The following IL1RAPL1 variants were observed in gnomAD, a reference collection of about 807,000 sequenced individuals.
IL1RAPL1 encodes the protein interleukin-1 receptor accessory protein-like 1.
IL1RAPL1 carries 3 observed loss-of-function variants against 48.4 expected under a neutral mutation model. The observed-to-expected ratio is 0.06, with a 90% CI of 0.03 to 0.16. The LOEUF (loss-of-function observed/expected upper bound fraction) is 0.16, where lower values mean the gene tolerates loss of function less well. IL1RAPL1 is among the 10% of genes least tolerant of loss of function. IL1RAPL1 has a pLI of 1.00. For synonymous variants in IL1RAPL1, 185 were observed against 187.7 expected (o/e 0.99, Z 0.12); for missense variants, 349 against 530.6 (o/e 0.66, Z 3.36).
chrX:28,673,329 A>C (rs1238900670), intron 1 of IL1RAPL1, among the ~76,000 whole-genome samples: 1 of 112,111 alleles, frequency 8.9e-6, no homozygotes, highest in South Asian at 3.7e-4. Flanking sequence ...TCCTTACACC[A>C]TATACAAAAG....
intron 1 of IL1RAPL1, among the ~76,000 whole-genome samples, chrX:28,698,752 A>G (rs1467599346): frequency 8.9e-6 from 1 of 111,834 alleles, no homozygotes; most frequent in African/African-American, 3.2e-5. Context: ...AAAGCCATTG[A>G]AACAACATAC....
intron 6 of IL1RAPL1, among the ~76,000 whole-genome samples, chrX:29,829,766 T>C (rs1930830507): frequency 8.9e-6 from 1 of 112,234 alleles, no homozygotes; most frequent in Admixed American, 9.4e-5. Context: ...AATATTTTGA[T>C]CTAATCTAGA....
intron 3 of IL1RAPL1, among the ~76,000 whole-genome samples, chrX:29,322,185 CTTTCTCTTTTT>C (rs1932807808): frequency 9.2e-6 from 1 of 109,118 alleles, no homozygotes; most frequent in Non-Finnish European, 1.9e-5. Flanking sequence ...TTTCTCTTTT[CTTTCTCTTTTT>C]TTCTTTCTTT....
chrX:29,939,733 T>A (rs1272503157), intron 8 of IL1RAPL1, among the ~76,000 whole-genome samples: 1 of 112,351 alleles, frequency 8.9e-6, no homozygotes, highest in East Asian at 2.8e-4. Flanking sequence ...AAATAAGATT[T>A]TCTTCAATTT....
chrX:29,601,349 ACTGGATGC>A (rs754686446), intron 5 of IL1RAPL1, among the ~76,000 whole-genome samples: 1 of 112,171 alleles, frequency 8.9e-6, no homozygotes, highest in Non-Finnish European at 1.9e-5. Context: ...ATGAACATTA[ACTGGATGC>A]CTAGATCATT....
In IL1RAPL1 at chrX:29,078,164, C is replaced by T. The variant is rs1927722549; in HGVS notation, c.83-204774C>T. Among the ~76,000 whole-genome samples the T allele has an allele frequency of 3.6e-5, 4 of 111,428 alleles. No homozygotes were observed. The Admixed American group carries it at 3.8e-4, about 11-fold the overall frequency. On this transcript the variant is annotated intron_variant, in intron 2 of 10. Transcript: ENST00000378993. ...GCGCACGCCTGTAATCCCAGCTACT[C>T]GGGAAGCTGAGGCAAGAGAATCACT...
intron 6 of IL1RAPL1, among the ~76,000 whole-genome samples, chrX:29,880,602 T>TA (rs1224660238): frequency 8.9e-6 from 1 of 112,312 alleles, no homozygotes; most frequent in Admixed American, 9.5e-5. Flanking sequence ...TTAGCTGGAA[T>TA]AAAAAATTTC....
At chrX:29,632,747 C>T (rs958472943) in intron 5 of IL1RAPL1, among the ~76,000 whole-genome samples, 14 of 111,082 alleles carry the variant, frequency 1.3e-4, no homozygotes, top group African/African-American at 4.3e-4. Context: ...AGAAAGGAAT[C>T]ATGTCATTTT....
intron 1 of IL1RAPL1, among the ~76,000 whole-genome samples, chrX:28,635,506 T>C (rs373054933): frequency 8.9e-6 from 1 of 111,877 alleles, no homozygotes; most frequent in African/African-American, 3.2e-5. Flanking sequence ...ATAAGTTGCA[T>C]GAGATAGTCA....
intron 5 of IL1RAPL1, among the ~76,000 whole-genome samples, chrX:29,630,192 G>C (rs1439640958): frequency 1.8e-5 from 2 of 110,786 alleles, no homozygotes; most frequent in African/African-American, 6.6e-5. Context: ...TCTCTCTCAA[G>C]ACTCTTTTGT....
chrX:29,363,148 T>C (rs896795374), intron 3 of IL1RAPL1, among the ~76,000 whole-genome samples: 5 of 111,534 alleles, frequency 4.5e-5, no homozygotes, highest in African/African-American at 1.6e-4. Flanking sequence ...TCCCTGAAAA[T>C]GAAGTATTTT....
At chrX:28,653,059 T>G (rs987566931) in intron 1 of IL1RAPL1, among the ~76,000 whole-genome samples, 1 of 112,289 alleles carries the variant, frequency 8.9e-6, no homozygotes, top group African/African-American at 3.2e-5. Context: ...TCCTGTCACA[T>G]AAAGTTTTGC....
intron 2 of IL1RAPL1, among the ~76,000 whole-genome samples, chrX:29,103,517 A>C (rs1928387388): frequency 8.9e-6 from 1 of 111,794 alleles, no homozygotes; most frequent in African/African-American, 3.3e-5. Context: ...CTATGAAACT[A>C]CCAGAAGAAA....
intron 2 of IL1RAPL1, among the ~76,000 whole-genome samples, chrX:29,210,229 A>G (rs1256855108): frequency 8.9e-6 from 1 of 112,454 alleles, no homozygotes; most frequent in Non-Finnish European, 1.9e-5. Flanking sequence ...TTTTTAAACT[A>G]AGACAGAATG....
chrX:29,072,211 C>G (rs1252223297), intron 2 of IL1RAPL1, among the ~76,000 whole-genome samples: 1 of 108,700 alleles, frequency 9.2e-6, no homozygotes, highest in East Asian at 2.9e-4. Context: ...ACTTGGATTC[C>G]TTTACTCATT....
At chrX:28,785,460 T>C (rs2147263517) in intron 1 of IL1RAPL1, among the ~76,000 whole-genome samples, 1 of 111,547 alleles carries the variant, frequency 9.0e-6, no homozygotes, top group African/African-American at 3.3e-5. Flanking sequence ...ATACACAAAC[T>C]CTCCTGATTG....
At chrX:29,250,943 A>G (rs1320776985) in intron 2 of IL1RAPL1, among the ~76,000 whole-genome samples, 6 of 110,277 alleles carry the variant, frequency 5.4e-5, no homozygotes, top group Non-Finnish European at 1.1e-4. Context: ...TGAGAAATGC[A>G]TTATTTTTCC....
intron 2 of IL1RAPL1, among the ~76,000 whole-genome samples, chrX:29,023,409 T>C (rs1266863418): frequency 1.8e-5 from 2 of 112,414 alleles, no homozygotes; most frequent in African/African-American, 6.5e-5. Context: ...GACAATGCAG[T>C]AGTTAAGCTG....
At chrX:29,555,983 C>T (rs59463778) in intron 5 of IL1RAPL1, among the ~76,000 whole-genome samples, 4,289 of 111,714 alleles carry the variant, frequency 0.038, 198 homozygotes, top group African/African-American at 0.13. Context: ...AAGAGTGGAG[C>T]CCACTCTCTG....
Sources: gnomAD v4.1 joint callset for allele counts (sites outside exome capture counted in the v4.1 genomes callset) on GRCh38, gnomAD v4.1.1 for gene constraint, MANE v1.5 for transcripts, NCBI Gene and HGNC (gene_info 2026-07-23, HGNC 2026-07-21) for gene names.